MSI2: variants seen among roughly 807,000 people sequenced by gnomAD.
The protein encoded by MSI2 is musashi RNA binding protein 2.
MSI2 carries 17 observed loss-of-function variants against 45.6 expected under a neutral mutation model. The observed-to-expected ratio is 0.37, with a 90% confidence interval of 0.26 to 0.56. The LOEUF is 0.56. Ranked by LOEUF, MSI2 falls within the 20% of genes least tolerant of loss-of-function variation. MSI2 has a pLI of 0.77. For missense variants in MSI2, 293 were observed against 444.2 expected, an observed-to-expected ratio of 0.66 and a Z score of 3.06; for synonymous variants, 156 against 158.2, an observed-to-expected ratio of 0.99 and a Z score of 0.11.
intron 11 of MSI2, among the ~76,000 whole-genome samples, chr17:57,667,621 C>T (rs1912465684): frequency 1.3e-5 from 2 of 152,228 alleles, no homozygotes; most frequent in African/African-American, 4.8e-5. Flanking sequence ...CAAACAAGCC[C>T]AGTCCCTCAG....
At chr17:57,691,239 CTATA>C in the MSI2 span, among the ~76,000 whole-genome samples, 2 of 146,006 alleles carry the variant, frequency 1.4e-5, no homozygotes, top group African/African-American at 5.1e-5. Context: ...ATCTATCTAT[CTATA>C]TTGCCATACC....
At chr17:57,546,998 G>A (rs971671679) in intron 7 of MSI2, among the ~76,000 whole-genome samples, 15 of 152,348 alleles carry the variant, frequency 9.8e-5, no homozygotes, top group Middle Eastern at 3.4e-3. Context: ...AGAAAATAGG[G>A]AGCTGTTGGC....
chr17:57,307,088 A>G (rs1036751711), intron 5 of MSI2, among the ~76,000 whole-genome samples: 2 of 152,154 alleles, frequency 1.3e-5, no homozygotes, highest in African/African-American at 2.4e-5. Flanking sequence ...GCTGTCCAAC[A>G]TTTCCTAAAT....
At chr17:57,462,191 G>A (rs2085243665) in intron 6 of MSI2, among the ~76,000 whole-genome samples, 1 of 152,184 alleles carries the variant, frequency 6.6e-6, no homozygotes, top group Admixed American at 6.5e-5. Context: ...CTCTCCCTGT[G>A]CTCATGCCTG....
In MSI2 at chr17:57,573,898, A is replaced by G. The variant is rs114442091; in HGVS notation, c.455-22970A>G. Among the ~76,000 whole-genome samples the G allele has an allele frequency of 4.0e-3, 608 of 152,340 alleles. 5 individuals are homozygous for G. Among genetic ancestry groups the G allele is most frequent in the African/African-American group, 0.014 (582 of 41,570 alleles). Reference sequence around the variant, plus strand: ...CTTGCCTTGAGGGCGAGGGCAGGCTAGAAGGATTAGATATCATCATATGAA... The same window carrying G: ...CTTGCCTTGAGGGCGAGGGCAGGCTGGAAGGATTAGATATCATCATATGAA... On this transcript the variant is annotated intron_variant, in intron 7 of 13. Transcript: ENST00000284073.
chr17:57,276,538 T>TA (rs1410757713), intron 5 of MSI2, among the ~76,000 whole-genome samples: 5 of 152,104 alleles, frequency 3.3e-5, no homozygotes, highest in Non-Finnish European at 7.4e-5. Flanking sequence ...AAGGAAGAAA[T>TA]ATGCAGAGAA....
At chr17:57,349,354 A>C (rs1487766172) in intron 5 of MSI2, among the ~76,000 whole-genome samples, 1 of 152,194 alleles carries the variant, frequency 6.6e-6, no homozygotes, top group Non-Finnish European at 1.5e-5. Flanking sequence ...AGAGAGGCAT[A>C]GGGCAGCATG....
chr17:57,432,340 C>T (rs920795153), intron 6 of MSI2, among the ~76,000 whole-genome samples: 6 of 152,178 alleles, frequency 3.9e-5, no homozygotes, highest in East Asian at 1.9e-4. Flanking sequence ...CCACTGCCTC[C>T]TTATGGAGGA....
chr17:57,434,131 G>A (rs1454235565), intron 6 of MSI2, among the ~76,000 whole-genome samples: 1 of 152,058 alleles, frequency 6.6e-6, no homozygotes, highest in African/African-American at 2.4e-5. Flanking sequence ...ACGGAGTCTT[G>A]CTCTGTCGCC....
At chr17:57,391,487 ATTG>A (rs1844249976) in intron 5 of MSI2, among the ~76,000 whole-genome samples, 1 of 152,108 alleles carries the variant, frequency 6.6e-6, no homozygotes, top group African/African-American at 2.4e-5. Context: ...ACTTCCTATT[ATTG>A]TTGTATTTGC....
At chr17:57,328,260 A>C (rs928773518) in intron 5 of MSI2, among the ~76,000 whole-genome samples, 2 of 139,076 alleles carry the variant, frequency 1.4e-5, no homozygotes, top group Non-Finnish European at 3.0e-5. Flanking sequence ...CCATGTATTC[A>C]TCTATCCATC....
intron 6 of MSI2, among the ~76,000 whole-genome samples, chr17:57,450,876 C>A (rs2085006726): frequency 6.6e-6 from 1 of 152,144 alleles, no homozygotes; most frequent in Admixed American, 6.5e-5. Context: ...CCACCCTCCT[C>A]CCAAAACTTT....
chr17:57,371,433 C>T (rs9891565), intron 5 of MSI2, among the ~76,000 whole-genome samples: 103,724 of 151,474 alleles, frequency 0.68, 35,651 homozygotes, highest in East Asian at 0.76. Context: ...AAAAATCCCC[C>T]CAACGCCACT....
chr17:57,609,310 C>G (rs931420464), intron 8 of MSI2, among the ~76,000 whole-genome samples: 6 of 152,174 alleles, frequency 3.9e-5, no homozygotes, highest in African/African-American at 1.4e-4. Flanking sequence ...GCTGCAGGAC[C>G]TCCTCTCCTC....
intron 7 of MSI2, among the ~76,000 whole-genome samples, chr17:57,563,730 A>T (rs932403887): frequency 2.1e-5 from 3 of 144,482 alleles, no homozygotes; most frequent in Non-Finnish European, 3.0e-5. Flanking sequence ...TTTCCCTCTC[A>T]CACACACACA....
intron 5 of MSI2, among the ~76,000 whole-genome samples, chr17:57,329,791 C>T (rs985859939): frequency 6.6e-6 from 1 of 152,156 alleles, no homozygotes; most frequent in Non-Finnish European, 1.5e-5. Flanking sequence ...TTCCGAGTTA[C>T]GTAATTTTGC....
intron 11 of MSI2, among the ~76,000 whole-genome samples, chr17:57,658,516 C>T (rs1911764510): frequency 6.6e-6 from 1 of 152,196 alleles, no homozygotes; most frequent in South Asian, 2.1e-4. Context: ...CGCTGCTGAC[C>T]TCAGCTTCAT....
intron 6 of MSI2, among the ~76,000 whole-genome samples, chr17:57,494,621 T>C (rs1312578511): frequency 6.6e-6 from 1 of 152,254 alleles, no homozygotes; most frequent in Non-Finnish European, 1.5e-5. Context: ...CTGGGCACCA[T>C]TCCAGTTGCT....
chr17:57,493,037 G>A (rs995632620), intron 6 of MSI2, among the ~76,000 whole-genome samples: 2 of 152,176 alleles, frequency 1.3e-5, no homozygotes, highest in African/African-American at 2.4e-5. Flanking sequence ...TGTAAACTCT[G>A]TGGGTGCTGA....
Sources: gnomAD v4.1 joint callset for allele counts (sites outside exome capture counted in the v4.1 genomes callset) on GRCh38, gnomAD v4.1.1 for gene constraint, MANE v1.5 for transcripts, NCBI Gene and HGNC (gene_info 2026-07-23, HGNC 2026-07-21) for gene names.